Variants in SMTN observed in about 807,000 individuals in gnomAD.
The protein encoded by SMTN is smoothelin.
In SMTN, 58 loss-of-function variants were observed where a neutral mutation model predicts 102.0. The observed-to-expected ratio is 0.57, with a 90% CI of 0.46 to 0.71. The LOEUF (loss-of-function observed/expected upper bound fraction) is 0.71, where lower values mean the gene tolerates loss of function less well. Among genes scored for constraint, SMTN ranks in the 30% least tolerant of loss-of-function variants. The probability of loss-of-function intolerance (pLI) is 0.00; values close to 1 mark genes in which losing one functional copy is unlikely to be tolerated. For missense variants in SMTN, 1,185 were observed against 1,241.7 expected, an observed-to-expected ratio of 0.95 and a Z score of 0.69; for synonymous variants, 478 against 497.9, an observed-to-expected ratio of 0.96 and a Z score of 0.53.
intron 19 of SMTN, among the ~76,000 whole-genome samples, 155 bp downstream of exon 19, chr22:31,100,051 AT>A (rs1967739663): frequency 7.3e-6 from 1 of 137,888 alleles, no homozygotes. Context: ...GTCCTTCTCC[AT>A]CCCCACCCCC....
intron 20 of SMTN, chr22:31,104,028 C>A (rs1267591749): frequency 6.8e-6 from 3 of 438,406 alleles, no homozygotes; most frequent in Non-Finnish European, 1.2e-5. Context: ...GGAGCCAGCA[C>A]CTCCCCAGGG....
Position 31,088,794 on chromosome 22 carries a change from G to T in SMTN, c.373+17G>T. 6.2e-7 allele frequency: 1 copy of T among 1,611,316 alleles called. No homozygotes were observed. The highest frequency in any genetic ancestry group is 8.5e-7 in the Non-Finnish European group (1 of 1,178,596). ...AGATTGAGGGTATGTGGCCTGTCCCGGCCCCACCCCTGCCCTGCTGTCTGC... is the reference window on the plus strand; with the variant it reads ...AGATTGAGGGTATGTGGCCTGTCCCTGCCCCACCCCTGCCCTGCTGTCTGC... On this transcript the variant is annotated intron_variant, in intron 5 of 20. Transcript: ENST00000333137.
chr22:31,093,792 G>A (rs1328959279), intron 11 of SMTN: 25 of 1,594,308 alleles, frequency 1.6e-5, no homozygotes, highest in Non-Finnish European at 2.0e-5. Flanking sequence ...AGGCTGCCGA[G>A]GATGCCGGGA....
intron 11 of SMTN, among the ~76,000 whole-genome samples, chr22:31,092,259 A>G (rs1244167504): frequency 2.0e-5 from 3 of 152,170 alleles, no homozygotes; most frequent in African/African-American, 7.2e-5. Flanking sequence ...GGTATAGAGC[A>G]GCTCATCTGC....
chr22:31,071,117 G>A (rs960859462), intron 1 of SMTN, among the ~76,000 whole-genome samples: 2 of 151,714 alleles, frequency 1.3e-5, no homozygotes, highest in Non-Finnish European at 2.9e-5. Flanking sequence ...GTGTGTGCCT[G>A]TAGTCCCAGC....
upstream of SMTN, among the ~76,000 whole-genome samples, chr22:31,078,056 T>A (rs150857671): frequency 3.3e-3 from 501 of 152,332 alleles, 2 homozygotes; most frequent in African/African-American, 0.011. Context: ...TTCCGTTCCT[T>A]TGCTAATGCT....
chr22:31,087,921 C>A, intron 2 of SMTN, 44 bp from the exon 3 acceptor site: 2 of 1,534,566 alleles, frequency 1.3e-6, no homozygotes, highest in South Asian at 1.3e-5. Flanking sequence ...GCCAGCCCTC[C>A]GCCCCTGGCA....
intron 1 of SMTN, among the ~76,000 whole-genome samples, chr22:31,075,379 C>A (rs2042103125): frequency 6.6e-6 from 1 of 152,098 alleles, no homozygotes; most frequent in Admixed American, 6.5e-5. Context: ...AGTGTTCCAT[C>A]CATCAAAAGG....
At chr22:31,101,192 C>T in intron 20 of SMTN, 143 bp downstream of exon 20, 1 of 748,632 alleles carries the variant, frequency 1.3e-6, no homozygotes, top group Non-Finnish European at 2.1e-6. Flanking sequence ...TGTCTTCTGG[C>T]AGTTCAGGGC....
intron 2 of SMTN, chr22:31,084,992 C>T: frequency 1.4e-6 from 2 of 1,477,140 alleles, no homozygotes; most frequent in South Asian, 1.3e-5. Context: ...CCGCCCTGCG[C>T]CCCAGCGTCT....
At chr22:31,083,060 T>C in intron 1 of SMTN, 119 bp from the exon 2 acceptor site, 2 of 1,442,990 alleles carry the variant, frequency 1.4e-6, no homozygotes, top group Non-Finnish European at 1.9e-6. Flanking sequence ...AGGAGCCACA[T>C]TATAGGATGG....
chr22:31,103,882 C>T (rs760642264), intron 20 of SMTN: 18 of 176,510 alleles, frequency 1.0e-4, no homozygotes, highest in Non-Finnish European at 1.9e-4. Context: ...TAGAGTGAGA[C>T]CTATCCATAG....
intron 2 of SMTN, chr22:31,085,169 C>T (rs1485119995): frequency 1.3e-6 from 2 of 1,535,442 alleles, no homozygotes; most frequent in Admixed American, 2.0e-5. Context: ...CGAGTTCGAC[C>T]TCCGCCACTC....
chr22:31,064,924 C>G (rs2041806021), intron 1 of SMTN: 1 of 152,198 alleles, frequency 6.6e-6, no homozygotes, highest in Non-Finnish European at 1.5e-5. Flanking sequence ...TCCTTTTGAT[C>G]TAATCCAAGG....
At chr22:31,080,955 G>A (rs116081982), upstream of SMTN, among the ~76,000 whole-genome samples, 2,176 of 152,194 alleles carry the variant, frequency 0.014, 57 homozygotes, top group African/African-American at 0.05. Context: ...TCGAGGGAGG[G>A]GACGTGGTCT....
rs1255415433 is a variant in SMTN, at chr22:31,097,071, C to T, written c.2089+11C>T. 6.2e-7 allele frequency: 1 copy of T among 1,613,572 alleles called. No individual in the cohort carries two copies. Among genetic ancestry groups the T allele is most frequent in the Non-Finnish European group, 8.5e-7 (1 of 1,179,592 alleles). ...TGAGGCGCTCGGAGAGTAAGGCCACCTGGTGTCGCCCTGTGCCTGCCTGCC... is the reference window on the plus strand; with the variant it reads ...TGAGGCGCTCGGAGAGTAAGGCCACTTGGTGTCGCCCTGTGCCTGCCTGCC... On this transcript the variant is annotated intron_variant, in intron 15 of 20. Transcript: ENST00000333137.
intron 20 of SMTN, chr22:31,102,521 G>A (rs1273871366): frequency 6.6e-6 from 1 of 152,378 alleles, no homozygotes; most frequent in Admixed American, 6.5e-5. Flanking sequence ...CTCAGAGAAG[G>A]AGCACAGATG....
At position 31,095,397 on chromosome 22, in the gene SMTN, G is replaced by C. The variant is rs966303575; in HGVS notation, c.1727G>C (p.Ser576Thr). ...TRVNKAPEGRSPLSAEELMTI... is the reference protein window; with the variant it reads ...TRVNKAPEGRTPLSAEELMTI... ...GTGAACAAAGCACCAGAAGGGCGGA[G>C]CCCTCTGAGCGCTGAGGAGCTGATG... Residue 576 changes from serine to threonine, a missense_variant, in exon 12 of 21, where the codon AGC becomes ACC. Transcript: ENST00000333137. The surrounding 1 kb of genome is among the most constrained non-coding windows in gnomAD (Gnocchi z 4.1). 1 of 1,614,140 alleles carries C rather than the reference G, an allele frequency of 6.2e-7. No homozygotes were observed. The highest frequency in any genetic ancestry group is 8.5e-7 in the Non-Finnish European group (1 of 1,180,044).
At chr22:31,073,011 CTTT>C (rs59040826) in intron 1 of SMTN, among the ~76,000 whole-genome samples, 36 of 85,658 alleles carry the variant, frequency 4.2e-4, no homozygotes, top group East Asian at 8.5e-4. Flanking sequence ...CTCTCTCTCT[CTTT>C]TTTTTTTTTT....
Sources: allele counts gnomAD v4.1 joint callset (sites outside exome capture counted in the v4.1 genomes callset), GRCh38; gene constraint gnomAD v4.1.1; non-coding constraint Gnocchi (gnomAD v3.1); transcripts MANE v1.5; gene names NCBI Gene and HGNC (gene_info 2026-07-23, HGNC 2026-07-21).